The following RYR2 variants were observed in gnomAD, a reference collection of about 807,000 sequenced individuals.
RYR2 encodes ryanodine receptor 2.
In RYR2, 227 loss-of-function variants were observed where a neutral mutation model predicts 601.1. That is an observed-to-expected ratio of 0.38 (90% CI 0.34 to 0.42). The LOEUF is 0.42. Among genes scored for constraint, RYR2 ranks in the 10% least tolerant of loss-of-function variants. The pLI, the probability that RYR2 is intolerant of heterozygous loss-of-function variation, is 1.00. For synonymous variants in RYR2, 2,223 were observed against 2,175.1 expected (o/e 1.02, Z -0.61); for missense variants, 4,646 against 6,156.5 (o/e 0.75, Z 8.21).
At chr1:237,761,149 C>T (rs1693402138) in intron 84 of RYR2, 121 bp downstream of exon 84, 2 of 676,004 alleles carry the variant, frequency 3.0e-6, no homozygotes, top group South Asian at 3.8e-5. Context: ...GAAATGCTTA[C>T]ATGACTCATT....
chr1:237,417,227 C>T (rs1235336321), intron 11 of RYR2, 104 bp downstream of exon 11: 13 of 818,046 alleles, frequency 1.6e-5, no homozygotes, highest in South Asian at 1.3e-4. Flanking sequence ...AGCAAGCAAG[C>T]GAACAAAGGA....
chr1:237,351,963 A>G (rs551775992), intron 3 of RYR2, among the ~76,000 whole-genome samples: 40 of 151,826 alleles, frequency 2.6e-4, no homozygotes, highest in African/African-American at 9.4e-4. Flanking sequence ...TCCCATTGAC[A>G]TATCAACTCA....
chr1:237,430,171 C>A (rs1243942335), intron 12 of RYR2, among the ~76,000 whole-genome samples: 3 of 149,054 alleles, frequency 2.0e-5, no homozygotes, highest in African/African-American at 7.4e-5. Context: ...CATATATAGT[C>A]ATATGTTTTA....
At chr1:237,288,959 A>G (rs1211172798) in intron 2 of RYR2, among the ~76,000 whole-genome samples, 6 of 152,138 alleles carry the variant, frequency 3.9e-5, no homozygotes, top group Non-Finnish European at 7.3e-5. Context: ...TTGGGGACCC[A>G]GCGAGCTCCC....
At chr1:237,423,317 G>A (rs1705782982) in intron 12 of RYR2, 69 bp downstream of exon 12, 1 of 1,501,908 alleles carries the variant, frequency 6.7e-7, no homozygotes, top group Non-Finnish European at 9.0e-7. Context: ...TGTTAGAAAG[G>A]AGAAAAGAAA....
chr1:237,556,338 C>G (rs935585988), intron 27 of RYR2, among the ~76,000 whole-genome samples: 5 of 150,696 alleles, frequency 3.3e-5, no homozygotes, highest in African/African-American at 9.7e-5. Flanking sequence ...CTCGCTCTGT[C>G]CCCCAGGCTG....
intron 80 of RYR2, among the ~76,000 whole-genome samples, chr1:237,751,033 T>C (rs1478073331): frequency 2.6e-5 from 4 of 152,334 alleles, no homozygotes; most frequent in African/African-American, 9.6e-5. Flanking sequence ...GTTTTCAAAA[T>C]TCAAGTAATG....
At chr1:237,719,087 C>T (rs1374058205) in intron 73 of RYR2, among the ~76,000 whole-genome samples, 3 of 152,012 alleles carry the variant, frequency 2.0e-5, no homozygotes, top group Non-Finnish European at 2.9e-5. Context: ...GGCAAAACCC[C>T]GCCTCTACAA....
chr1:237,704,286 T>C (rs1688187735), intron 66 of RYR2, among the ~76,000 whole-genome samples: 1 of 152,142 alleles, frequency 6.6e-6, no homozygotes, highest in Admixed American at 6.5e-5. Flanking sequence ...TTACTAGAAA[T>C]ATATCTGAAC....
At chr1:237,405,622 C>T (rs1167359456) in intron 10 of RYR2, among the ~76,000 whole-genome samples, 3 of 152,078 alleles carry the variant, frequency 2.0e-5, no homozygotes. Flanking sequence ...TTATGTATAC[C>T]AGTCTACTAT....
chr1:237,730,175 G>C, intron 76 of RYR2, 85 bp from the exon 77 acceptor site: 1 of 763,524 alleles, frequency 1.3e-6, no homozygotes, highest in Non-Finnish European at 2.4e-6. Flanking sequence ...TCAGTGCACA[G>C]ATAATCTAGT....
At chr1:237,658,676 A>G (rs1683479750) in intron 54 of RYR2, among the ~76,000 whole-genome samples, 2 of 152,226 alleles carry the variant, frequency 1.3e-5, no homozygotes, top group African/African-American at 2.4e-5. Context: ...CTGAGATTAC[A>G]GGCATGAGCC....
At chr1:237,394,612 C>A (rs1372361802) in intron 10 of RYR2, among the ~76,000 whole-genome samples, 2 of 152,194 alleles carry the variant, frequency 1.3e-5, no homozygotes, top group African/African-American at 4.8e-5. Flanking sequence ...CTTATAATTT[C>A]ACTCTGAAAT....
intron 17 of RYR2, among the ~76,000 whole-genome samples, chr1:237,482,364 C>A (rs1662210406): frequency 6.6e-6 from 1 of 152,132 alleles, no homozygotes; most frequent in Non-Finnish European, 1.5e-5. Context: ...CACTACCCTT[C>A]CCAGCCTCTG....
chr1:237,395,436 T>G (rs942210379), intron 10 of RYR2, among the ~76,000 whole-genome samples: 6 of 152,096 alleles, frequency 3.9e-5, no homozygotes, highest in Non-Finnish European at 8.8e-5. Flanking sequence ...CTGTAACTAT[T>G]TTTCAGACGA....
At chr1:237,809,515 G>T (rs1166959407) in intron 100 of RYR2, among the ~76,000 whole-genome samples, 1 of 152,116 alleles carries the variant, frequency 6.6e-6, no homozygotes, top group African/African-American at 2.4e-5. Context: ...ATCAACAGCT[G>T]TTAAAGCTTT....
chr1:237,810,556 T>C (rs1661142163), intron 100 of RYR2, among the ~76,000 whole-genome samples: 1 of 152,240 alleles, frequency 6.6e-6, no homozygotes, highest in African/African-American at 2.4e-5. Flanking sequence ...AGAAGTTTTG[T>C]GACACCTATC....
chr1:237,467,905 C>T (rs974799172), intron 16 of RYR2, among the ~76,000 whole-genome samples: 1 of 144,048 alleles, frequency 6.9e-6, no homozygotes, highest in Non-Finnish European at 1.5e-5. Flanking sequence ...GTCTCTCAGA[C>T]TGGAGTGCGG....
At chr1:237,608,643 C>T (rs1348815727) in intron 35 of RYR2, among the ~76,000 whole-genome samples, 1 of 152,040 alleles carries the variant, frequency 6.6e-6, no homozygotes, top group Non-Finnish European at 1.5e-5. Flanking sequence ...ATGGAGGCTG[C>T]TGTGAGCCGT....
Sources: gnomAD v4.1 joint callset for allele counts (sites outside exome capture counted in the v4.1 genomes callset) on GRCh38, gnomAD v4.1.1 for gene constraint, MANE v1.5 for transcripts, NCBI Gene and HGNC (gene_info 2026-07-23, HGNC 2026-07-21) for gene names.